The following BNC2 variants were observed in gnomAD, a reference collection of about 807,000 sequenced individuals.
BNC2 encodes zinc finger protein basonuclin-2.
A neutral mutation model predicts 76.3 loss-of-function variants in BNC2; 20 were observed. That is an observed-to-expected ratio of 0.26 (90% CI 0.18 to 0.38). The LOEUF is 0.38. Among genes scored for constraint, BNC2 ranks in the 10% least tolerant of loss-of-function variants. The probability of loss-of-function intolerance (pLI) is 1.00; values close to 1 mark genes in which losing one functional copy is unlikely to be tolerated. For missense variants in BNC2, 1,382 were observed against 1,399.8 expected, an observed-to-expected ratio of 0.99 and a Z score of 0.20; for synonymous variants, 582 against 514.8, an observed-to-expected ratio of 1.13 and a Z score of -1.77.
intron 5 of BNC2, among the ~76,000 whole-genome samples, chr9:16,477,367 C>A (rs1190924846): frequency 1.3e-5 from 2 of 150,848 alleles, no homozygotes; most frequent in African/African-American, 4.9e-5. Flanking sequence ...AACAATGTGA[C>A]AAGGAGATTA....
At position 16,646,165 on chromosome 9, in the gene BNC2, T is replaced by C. The variant is rs114864026; in HGVS notation, c.331-63080A>G. 9.9e-3 allele frequency among the ~76,000 whole-genome samples: 1,500 copies of C among 152,256 alleles called. 24 individuals carry two copies. The highest frequency in any genetic ancestry group is 0.034 in the African/African-American group (1,423 of 41,542). On this transcript the variant is annotated intron_variant, in intron 3 of 6. Coordinates refer to ENST00000380672, the MANE Select transcript of BNC2 (RefSeq NM_017637.6). The stretch of plus-strand genomic sequence containing the variant: ...CAGTGAACTGGAGGTCACCATTCCT[T>C]CTGAAGTTCAGGATGTGAACCAAGA...
At chr9:16,564,438 A>G (rs761901807) in intron 4 of BNC2, among the ~76,000 whole-genome samples, 3 of 152,172 alleles carry the variant, frequency 2.0e-5, no homozygotes, top group African/African-American at 4.8e-5. Context: ...GGGATTTTCC[A>G]GTTTGGAAGA....
At chr9:16,866,751 T>C (rs1005983105) in intron 1 of BNC2, among the ~76,000 whole-genome samples, 1 of 151,848 alleles carries the variant, frequency 6.6e-6, no homozygotes, top group South Asian at 2.1e-4. Flanking sequence ...TTGTGCAACA[T>C]TCTGATGGCC....
At chr9:16,475,890 C>T (rs530485730) in intron 5 of BNC2, 1 of 152,284 alleles carries the variant, frequency 6.6e-6, no homozygotes, top group East Asian at 1.9e-4. Context: ...ATCAATTCAC[C>T]ATAAATCCTT....
intron 1 of BNC2, among the ~76,000 whole-genome samples, chr9:16,829,961 T>C (rs1340993124): frequency 1.3e-5 from 2 of 152,238 alleles, no homozygotes; most frequent in Non-Finnish European, 2.9e-5. Flanking sequence ...TGCCTATTTC[T>C]ACTCCAATCA....
At chr9:16,430,361 G>T (rs917831195) in intron 6 of BNC2, among the ~76,000 whole-genome samples, 1 of 152,124 alleles carries the variant, frequency 6.6e-6, no homozygotes, top group Admixed American at 6.5e-5. Flanking sequence ...TTACCACATC[G>T]TATTTGACAG....
At chr9:16,613,452 G>GA (rs368243486) in intron 3 of BNC2, among the ~76,000 whole-genome samples, 1 of 152,196 alleles carries the variant, frequency 6.6e-6, no homozygotes, top group Non-Finnish European at 1.5e-5. Flanking sequence ...ACATGTTATT[G>GA]AAAATCACTG....
At chr9:16,855,195 G>A (rs1280348126) in intron 1 of BNC2, among the ~76,000 whole-genome samples, 1 of 152,048 alleles carries the variant, frequency 6.6e-6, no homozygotes, top group Non-Finnish European at 1.5e-5. Flanking sequence ...ATGCATCCAT[G>A]AAAAGGTGAT....
chr9:16,636,922 T>A (rs1020240877), intron 3 of BNC2, among the ~76,000 whole-genome samples: 2 of 151,826 alleles, frequency 1.3e-5, no homozygotes, highest in Non-Finnish European at 1.5e-5. Context: ...TATTCCATGA[T>A]TTAAATATAT....
intron 5 of BNC2, among the ~76,000 whole-genome samples, chr9:16,510,139 A>C (rs974966166): frequency 6.6e-6 from 1 of 152,210 alleles, no homozygotes; most frequent in Non-Finnish European, 1.5e-5. Flanking sequence ...TTAATCAAGG[A>C]AGCGCTAGCC....
At chr9:16,598,886 C>A (rs936268936) in intron 3 of BNC2, among the ~76,000 whole-genome samples, 3 of 152,152 alleles carry the variant, frequency 2.0e-5, no homozygotes, top group Non-Finnish European at 4.4e-5. Context: ...AAAAGCCAAA[C>A]ATCAAAATAT....
At chr9:16,631,403 G>T (rs111264046) in intron 3 of BNC2, among the ~76,000 whole-genome samples, 1 of 152,246 alleles carries the variant, frequency 6.6e-6, no homozygotes, top group African/African-American at 2.4e-5. Flanking sequence ...GCACAGTCCA[G>T]GGCACTGGAG....
intron 5 of BNC2, among the ~76,000 whole-genome samples, chr9:16,506,511 CTCTTTTTTTTTTTTT>C (rs1483794545): frequency 8.7e-4 from 71 of 81,448 alleles, no homozygotes; most frequent in African/African-American, 3.9e-3. Context: ...TCTCTCTCTC[CTCTTTTTTTTTTTTT>C]TTTTTTTTTT....
chr9:16,480,860 G>A (rs1003465953), intron 5 of BNC2, among the ~76,000 whole-genome samples: 1 of 152,196 alleles, frequency 6.6e-6, no homozygotes, highest in African/African-American at 2.4e-5. Context: ...ACGGCGCCCA[G>A]TCCCATCGAC....
At chr9:16,540,735 C>T (rs1332627747) in intron 5 of BNC2, among the ~76,000 whole-genome samples, 1 of 152,130 alleles carries the variant, frequency 6.6e-6, no homozygotes, top group African/African-American at 2.4e-5. Context: ...GCAGAGAAGG[C>T]TACAAAGGCG....
chr9:16,761,071 C>A (rs993627217), intron 1 of BNC2, among the ~76,000 whole-genome samples: 1 of 130,492 alleles, frequency 7.7e-6, no homozygotes, highest in Non-Finnish European at 1.8e-5. Context: ...AGAGCGGCCC[C>A]GTCTCTACAA....
intron 3 of BNC2, among the ~76,000 whole-genome samples, chr9:16,710,463 A>C (rs1354185639): frequency 6.6e-6 from 1 of 152,252 alleles, no homozygotes; most frequent in Non-Finnish European, 1.5e-5. Flanking sequence ...TTCAAATGAG[A>C]TAATTAATAA....
intron 3 of BNC2, among the ~76,000 whole-genome samples, chr9:16,606,760 G>C (rs969574306): frequency 6.6e-6 from 1 of 152,130 alleles, no homozygotes; most frequent in African/African-American, 2.4e-5. Flanking sequence ...GTTTCGCCAC[G>C]TTGGCCAGGC....
intron 5 of BNC2, among the ~76,000 whole-genome samples, chr9:16,445,528 C>T (rs1184090043): frequency 2.6e-5 from 4 of 151,548 alleles, no homozygotes; most frequent in East Asian, 1.9e-4. Context: ...TTTTGGGTAA[C>T]GAAAGCCCTA....
Sources: gnomAD v4.1 joint callset for allele counts (sites outside exome capture counted in the v4.1 genomes callset) on GRCh38, gnomAD v4.1.1 for gene constraint, MANE v1.5 for transcripts, NCBI Gene and HGNC (gene_info 2026-07-23, HGNC 2026-07-21) for gene names.